Variants in CBR4 observed in about 807,000 individuals in gnomAD.
CBR4 encodes 3-oxoacyl-[acyl-carrier-protein] reductase.
A neutral mutation model predicts 21.0 loss-of-function variants in CBR4; 22 were observed. The ratio of observed to expected loss-of-function variants is 1.05; its 90% CI spans 0.75 to 1.50. The LOEUF (loss-of-function observed/expected upper bound fraction) is 1.50, where lower values mean the gene tolerates loss of function less well. Among genes scored for constraint, CBR4 ranks in the 40% most tolerant of loss-of-function variants. CBR4 has a pLI of 0.00. For missense variants in CBR4, 302 were observed against 286.3 expected (o/e 1.05, Z -0.40); for synonymous variants, 100 against 104.4 (o/e 0.96, Z 0.26).
chr4:168,993,693 A>C (rs1039452773), intron 4 of CBR4, among the ~76,000 whole-genome samples: 2 of 152,248 alleles, frequency 1.3e-5, no homozygotes, highest in African/African-American at 4.8e-5. Flanking sequence ...TTAGCATAGA[A>C]TACTTCCCAG....
chr4:168,940,130 A>C (rs1763222259), intron 2 of CBR4, among the ~76,000 whole-genome samples: 1 of 152,244 alleles, frequency 6.6e-6, no homozygotes, highest in Non-Finnish European at 1.5e-5. Flanking sequence ...CTCAGAAATA[A>C]CACCACATAT....
At chr4:168,935,266 G>T (rs528593076) in intron 2 of CBR4, among the ~76,000 whole-genome samples, 1 of 152,182 alleles carries the variant, frequency 6.6e-6, no homozygotes. Flanking sequence ...CTTTTCCCAC[G>T]GTTTTTGCAA....
At chr4:168,949,554 T>C (rs1763482328) in intron 2 of CBR4, among the ~76,000 whole-genome samples, 1 of 152,186 alleles carries the variant, frequency 6.6e-6, no homozygotes, top group Non-Finnish European at 1.5e-5. Flanking sequence ...TATGCTGATT[T>C]TGCTGAGAGT....
At position 169,010,175 on chromosome 4, in the gene CBR4, C is replaced by CAAA; in HGVS notation, c.-89_-87dup. 4 of 664,120 alleles carry CAAA rather than the reference C, an allele frequency of 6.0e-6. No homozygotes were observed. The highest frequency in any genetic ancestry group is 6.0e-6 in the Non-Finnish European group (3 of 498,736). The allele number at this position is 664,120 out of a possible 1,614,324, so 41.1% of individuals were successfully genotyped here. On this transcript the variant is annotated 5_prime_UTR_variant, in exon 1 of 5. Coordinates refer to ENST00000306193, the MANE Select transcript of CBR4 (RefSeq NM_032783.5). ...TCAGGCTTTTAAACAACCGCGGTTC[C>CAAA]AAAAAAAAAAAAAAGAAAAAAAAAG...
chr4:168,898,769 T>G, intron 2 of CBR4: 2 of 1,114,112 alleles, frequency 1.8e-6, no homozygotes, highest in East Asian at 4.7e-5. Context: ...AAGGTTTAGC[T>G]TCCAAAACAT....
chr4:168,913,758 C>T (rs1582134383), intron 2 of CBR4, among the ~76,000 whole-genome samples: 1 of 152,058 alleles, frequency 6.6e-6, no homozygotes, highest in African/African-American at 2.4e-5. Flanking sequence ...TACTGAGGCA[C>T]TTAACTCACA....
chr4:168,946,873 A>G (rs1240103015), intron 2 of CBR4, among the ~76,000 whole-genome samples: 1 of 152,152 alleles, frequency 6.6e-6, no homozygotes, highest in Non-Finnish European at 1.5e-5. Flanking sequence ...AAGTCTGTCC[A>G]CATACACCAT....
chr4:168,898,823 AC>A, intron 2 of CBR4: 1 of 782,430 alleles, frequency 1.3e-6, no homozygotes, highest in Non-Finnish European at 2.2e-6. Flanking sequence ...CTTTCTCAAT[AC>A]CCACGATATA....
rs563889215 is a variant in CBR4 at position 169,009,012 on chromosome 4, A to T, written c.142+936T>A. ...GGCGAGAAGATCTCTAGAGCCAGTAAATCAGGAGTTGGGGTCCAGCACGGG... is the reference window on the plus strand; with the variant it reads ...GGCGAGAAGATCTCTAGAGCCAGTATATCAGGAGTTGGGGTCCAGCACGGG... On this transcript the variant is annotated intron_variant, in intron 1 of 4. Coordinates refer to ENST00000306193, the MANE Select transcript of CBR4 (RefSeq NM_032783.5). The T allele has an allele frequency of 1.1e-5, 5 of 455,588 alleles. No individual in the cohort carries two copies. In the East Asian group the frequency reaches 2.1e-4, roughly 19 times the overall value. 28.2% of individuals were successfully genotyped at this position (455,588 alleles called of 1,614,324 possible).
chr4:168,977,238 T>C lies in CBR4; in HGVS notation n.169+24833A>G, dbSNP rs1046321111. ...ATCTCCCCCACAAAAACAATTCTTA[T>C]TGAAGTTACCAATGATTTTCTTGTT... On this transcript the variant is annotated intron_variant and non_coding_transcript_variant, in intron 2 of 3. Coordinates refer to the CBR4 transcript ENST00000509108. 2.6e-5 allele frequency among the ~76,000 whole-genome samples: 4 copies of C among 151,986 alleles called. No individual in the cohort carries two copies. The East Asian group carries it at 5.8e-4, about 22-fold the overall frequency.
chr4:168,977,519 TATC>T (rs2126773959), intron 2 of CBR4, among the ~76,000 whole-genome samples: 1 of 152,346 alleles, frequency 6.6e-6, no homozygotes, highest in South Asian at 2.1e-4. Flanking sequence ...TATTTGCAAT[TATC>T]ATCTAAACGC....
chr4:168,900,579 T>C (rs1756291772), intron 2 of CBR4, among the ~76,000 whole-genome samples: 1 of 152,332 alleles, frequency 6.6e-6, no homozygotes, highest in African/African-American at 2.4e-5. Flanking sequence ...TATAGCTCCA[T>C]GGCATTGTTT....
chr4:168,938,021 C>T (rs1376422344), intron 2 of CBR4, among the ~76,000 whole-genome samples: 1 of 152,206 alleles, frequency 6.6e-6, no homozygotes, highest in African/African-American at 2.4e-5. Flanking sequence ...TTCTTCTCAG[C>T]ACCATATCAC....
At chr4:168,991,290 C>G (rs1256708231) in intron 4 of CBR4, among the ~76,000 whole-genome samples, 1 of 151,938 alleles carries the variant, frequency 6.6e-6, no homozygotes, top group African/African-American at 2.4e-5. Context: ...CCGATTATAA[C>G]GTAAAGAAGT....
intron 1 of CBR4, among the ~76,000 whole-genome samples, chr4:169,009,327 G>A (rs928582636): frequency 6.6e-6 from 1 of 152,180 alleles, no homozygotes; most frequent in South Asian, 2.1e-4. Context: ...GAATTTGGCA[G>A]AACAAAGTTC....
chr4:168,972,205 G>A (rs558625423), intron 2 of CBR4, among the ~76,000 whole-genome samples: 6 of 152,240 alleles, frequency 3.9e-5, no homozygotes, highest in Admixed American at 2.0e-4. Flanking sequence ...GTTTGAAGTC[G>A]GGTAATGTGA....
intron 2 of CBR4, among the ~76,000 whole-genome samples, chr4:168,981,371 G>A (rs1361031273): frequency 6.6e-6 from 1 of 152,018 alleles, no homozygotes; most frequent in African/African-American, 2.4e-5. Context: ...TGCACTCCTA[G>A]GCAACAGAGT....
At chr4:168,932,166 A>C (rs1405339225) in intron 2 of CBR4, among the ~76,000 whole-genome samples, 2 of 152,172 alleles carry the variant, frequency 1.3e-5, no homozygotes, top group African/African-American at 2.4e-5. Flanking sequence ...CAGTGAGGTA[A>C]AGAGAATATA....
At chr4:168,979,529 C>T (rs1764476370) in intron 2 of CBR4, among the ~76,000 whole-genome samples, 1 of 139,532 alleles carries the variant, frequency 7.2e-6, no homozygotes, top group East Asian at 2.3e-4. Flanking sequence ...GTGGGGAAAT[C>T]CCAGAGACAA....
Sources: gnomAD v4.1 joint callset for allele counts (sites outside exome capture counted in the v4.1 genomes callset) on GRCh38, gnomAD v4.1.1 for gene constraint, MANE v1.5 for transcripts, NCBI Gene and HGNC (gene_info 2026-07-23, HGNC 2026-07-21) for gene names.